The following RALGAPA1 variants were observed in gnomAD, a reference collection of about 807,000 sequenced individuals.
The protein encoded by RALGAPA1 is Ral GTPase activating protein catalytic subunit alpha 1, also known as ral GTPase-activating protein subunit alpha-1.
Under a neutral mutation model 269.6 loss-of-function variants are expected in RALGAPA1, and 52 were observed. The observed-to-expected ratio is 0.19, with a 90% CI of 0.15 to 0.24. The LOEUF is 0.24. Ranked by LOEUF, RALGAPA1 falls within the 10% of genes least tolerant of loss-of-function variation. RALGAPA1 has a pLI of 1.00. For missense variants in RALGAPA1, 1,917 were observed against 3,013.9 expected (o/e 0.64, Z 8.52); for synonymous variants, 817 against 1,008.3 (o/e 0.81, Z 3.60).
chr14:35,588,469 AC>A (rs1457044842), intron 37 of RALGAPA1, among the ~76,000 whole-genome samples: 1 of 151,004 alleles, frequency 6.6e-6, no homozygotes, highest in Non-Finnish European at 1.5e-5. Flanking sequence ...GTTTTCTTTA[AC>A]AAAAAAGTCA....
intron 27 of RALGAPA1, among the ~76,000 whole-genome samples, chr14:35,662,938 G>GT (rs1491406372): frequency 4.0e-5 from 4 of 100,720 alleles, no homozygotes; most frequent in African/African-American, 2.2e-4. Flanking sequence ...TTCCTTTTTT[G>GT]GGGGGGGGGT....
intron 16 of RALGAPA1, chr14:35,715,824 CA>C: frequency 1.0e-6 from 1 of 985,412 alleles, no homozygotes; most frequent in South Asian, 4.7e-5. Flanking sequence ...TGATTATCAG[CA>C]ATTTGCTTCA....
At chr14:35,658,375 G>C (rs916226178) in intron 28 of RALGAPA1, among the ~76,000 whole-genome samples, 2 of 152,162 alleles carry the variant, frequency 1.3e-5, no homozygotes, top group Non-Finnish European at 2.9e-5. Flanking sequence ...GCCATGATCT[G>C]TAACTTTTGA....
At chr14:35,682,393 CG>C (rs1395420583) in intron 21 of RALGAPA1, among the ~76,000 whole-genome samples, 3 of 151,894 alleles carry the variant, frequency 2.0e-5, no homozygotes, top group Admixed American at 6.6e-5. Context: ...CTCTGCCTCC[CG>C]GGTTCATGCC....
intron 12 of RALGAPA1, among the ~76,000 whole-genome samples, chr14:35,731,264 C>A (rs958390192): frequency 6.6e-6 from 1 of 152,208 alleles, no homozygotes; most frequent in African/African-American, 2.4e-5. Context: ...TTCCCTCTGA[C>A]AGAGCCTACC....
At chr14:35,791,895 ACTCTGT>A (rs971336778) in intron 1 of RALGAPA1, among the ~76,000 whole-genome samples, 1 of 116,606 alleles carries the variant, frequency 8.6e-6, no homozygotes, top group Admixed American at 1.1e-4. Context: ...ACAGAGCGAG[ACTCTGT>A]CTCAAAAAAA....
At chr14:35,648,246 G>A (rs10129449) in intron 31 of RALGAPA1, among the ~76,000 whole-genome samples, 26,594 of 151,676 alleles carry the variant, frequency 0.18, 4,339 homozygotes, top group East Asian at 0.44. Context: ...GCAATGAGCC[G>A]AGATTGTGCC....
At chr14:35,757,122 T>TTA (rs1273548477) in intron 6 of RALGAPA1, among the ~76,000 whole-genome samples, 23 of 119,992 alleles carry the variant, frequency 1.9e-4, no homozygotes, top group East Asian at 1.1e-3. Flanking sequence ...TATTATTATT[T>TTA]TTTTTTTTTT....
intron 7 of RALGAPA1, among the ~76,000 whole-genome samples, chr14:35,755,750 A>G (rs2073112040): frequency 6.6e-6 from 1 of 152,208 alleles, no homozygotes; most frequent in African/African-American, 2.4e-5. Flanking sequence ...GTGGTTATTA[A>G]GTAATTTGCC....
intron 16 of RALGAPA1, among the ~76,000 whole-genome samples, chr14:35,702,593 G>A (rs758075777): frequency 6.6e-6 from 1 of 151,868 alleles, no homozygotes; most frequent in Non-Finnish European, 1.5e-5. Context: ...CAAAAGTTAC[G>A]TTGACTCCAA....
At chr14:35,605,370 C>G (rs1036457795) in intron 36 of RALGAPA1, among the ~76,000 whole-genome samples, 4 of 152,122 alleles carry the variant, frequency 2.6e-5, no homozygotes, top group African/African-American at 9.7e-5. Context: ...AGTACTCTTT[C>G]ACAATATACT....
At chr14:35,611,786 C>T (rs1374369113) in intron 35 of RALGAPA1, among the ~76,000 whole-genome samples, 1 of 152,070 alleles carries the variant, frequency 6.6e-6, no homozygotes, top group Non-Finnish European at 1.5e-5. Flanking sequence ...AATTGACTAG[C>T]TCATCCTAAA....
rs1018875518 is a variant in RALGAPA1 at position 35,688,667 on chromosome 14, T to C, written c.3744A>G (p.Gln1248=). 17 of 1,499,464 alleles carry C rather than the reference T, an allele frequency of 1.1e-5. No homozygotes were observed. The highest frequency in any genetic ancestry group is 2.6e-5 in the South Asian group (2 of 77,810). 92.9% of individuals were successfully genotyped at this position (1,499,464 alleles called of 1,614,324 possible). ...ACCTAAGAGTACTACGACTACCTAA[T>C]TGACTACTTGCAATTCCTTCTTTTT... ...ILQKEGIASS[Q]LGSRSTLRSS... Residue 1248 remains glutamine (Q), a synonymous_variant, in exon 18 of 42, where the codon CAA becomes CAG. Transcript: ENST00000680220.
intron 39 of RALGAPA1, among the ~76,000 whole-genome samples, chr14:35,559,395 T>C (rs1367925065): frequency 6.6e-6 from 1 of 151,818 alleles, no homozygotes; most frequent in Non-Finnish European, 1.5e-5. Flanking sequence ...ATTTAAAGAG[T>C]AGAATAAAAG....
intron 26 of RALGAPA1, among the ~76,000 whole-genome samples, chr14:35,669,992 T>A (rs2064272533): frequency 6.6e-6 from 1 of 152,176 alleles, no homozygotes; most frequent in South Asian, 2.1e-4. Context: ...GAGTAAGACA[T>A]GATTACTGTT....
chr14:35,688,557 G>C lies in RALGAPA1; in HGVS notation c.3854C>G (p.Ala1285Gly). The C allele has an allele frequency of 6.5e-7, 1 of 1,536,104 alleles. No individual in the cohort carries two copies. The highest frequency in any genetic ancestry group is 8.7e-7 in the Non-Finnish European group (1 of 1,146,878). ...GTTCTGCCTCTGTGGGGAAACATTT[G>C]CCTTCGGCTTCGAAAGAGCATGTAC... ...TVVHALSKPK[A>G]NVSPQRQNRM... Residue 1285 changes from alanine (A) to glycine (G), a missense_variant, in exon 18 of 42, where the codon GCA becomes GGA. This residue lies in a region of RALGAPA1 where 615 missense variants were observed against 790.0 expected (regional missense o/e 0.78). Transcript: ENST00000680220.
rs542923787 is a variant in RALGAPA1, at chr14:35,771,661, CT to C, written c.268-663del. 2.3e-3 allele frequency among the ~76,000 whole-genome samples: 344 copies of C among 151,988 alleles called. 1 individual carries two copies. Among genetic ancestry groups the C allele is most frequent in the Middle Eastern group, 0.01 (3 of 294 alleles). ...TGCTTATTTACTATTTCTAGATTTT[CT>C]TTTTTTTCCCCCTTTAGAGACAGAG... On this transcript the variant is annotated intron_variant, in intron 3 of 41. Transcript: ENST00000680220.
intron 35 of RALGAPA1, among the ~76,000 whole-genome samples, chr14:35,618,147 G>A (rs934936816): frequency 6.6e-6 from 1 of 152,108 alleles, no homozygotes; most frequent in Non-Finnish European, 1.5e-5. Flanking sequence ...ATGAAGCTGG[G>A]TATAACCTCA....
At chr14:35,731,183 G>C (rs2070443800) in intron 12 of RALGAPA1, among the ~76,000 whole-genome samples, 1 of 152,132 alleles carries the variant, frequency 6.6e-6, no homozygotes, top group African/African-American at 2.4e-5. Context: ...TAGGAAAAGG[G>C]GGAGAGTACT....
Sources: gnomAD v4.1 joint callset for allele counts (sites outside exome capture counted in the v4.1 genomes callset) on GRCh38, gnomAD v4.1.1 for gene constraint, gnomAD v4.1.1 regional missense constraint, MANE v1.5 for transcripts, NCBI Gene and HGNC (gene_info 2026-07-23, HGNC 2026-07-21) for gene names.